TMEM132D: variants seen among roughly 807,000 people sequenced by gnomAD.
TMEM132D encodes mature OL transmembrane protein.
In TMEM132D, 21 loss-of-function variants were observed where a neutral mutation model predicts 62.3. The observed-to-expected ratio is 0.34, with a 90% CI of 0.24 to 0.49. TMEM132D has a LOEUF of 0.49. Ranked by LOEUF, TMEM132D falls within the 20% of genes least tolerant of loss-of-function variation. TMEM132D has a pLI of 0.99. For missense variants in TMEM132D, 1,346 were observed against 1,402.8 expected (o/e 0.96, Z 0.65); for synonymous variants, 621 against 575.6 (o/e 1.08, Z -1.13).
chr12:129,365,764 G>C (rs1870388565), intron 3 of TMEM132D, among the ~76,000 whole-genome samples: 1 of 152,126 alleles, frequency 6.6e-6, no homozygotes, highest in South Asian at 2.1e-4. Flanking sequence ...TCTCTGGAAA[G>C]GGAATGACCT....
intron 2 of TMEM132D, among the ~76,000 whole-genome samples, chr12:129,647,908 C>T (rs1379722766): frequency 6.6e-6 from 1 of 152,152 alleles, no homozygotes; most frequent in Non-Finnish European, 1.5e-5. Context: ...TGCCTTTAAC[C>T]TCCAAGCTGC....
intron 2 of TMEM132D, among the ~76,000 whole-genome samples, chr12:129,598,629 C>T (rs542469435): frequency 3.5e-4 from 53 of 152,164 alleles, no homozygotes; most frequent in Middle Eastern, 6.8e-3. Context: ...CAAAGAAATA[C>T]TACAATCCTA....
At chr12:129,726,129 G>C (rs1217200645) in intron 1 of TMEM132D, among the ~76,000 whole-genome samples, 1 of 152,188 alleles carries the variant, frequency 6.6e-6, no homozygotes, top group Non-Finnish European at 1.5e-5. Context: ...AAGGCCTCCT[G>C]TGTGGCTCCA....
At chr12:129,105,187 T>G (rs1315699909) in intron 5 of TMEM132D, among the ~76,000 whole-genome samples, 21 of 122,018 alleles carry the variant, frequency 1.7e-4, no homozygotes, top group African/African-American at 6.8e-4. Context: ...ATGTGGCACA[T>G]ATACACCATG....
At chr12:129,162,091 T>C (rs1257098642) in intron 5 of TMEM132D, among the ~76,000 whole-genome samples, 1 of 152,170 alleles carries the variant, frequency 6.6e-6, no homozygotes, top group Non-Finnish European at 1.5e-5. Context: ...CAATTCCCTA[T>C]GTTTAAGCTC....
At chr12:129,889,294 G>A (rs1241024932) in intron 1 of TMEM132D, among the ~76,000 whole-genome samples, 1 of 152,102 alleles carries the variant, frequency 6.6e-6, no homozygotes, top group Non-Finnish European at 1.5e-5. Flanking sequence ...AGTCCTCTCT[G>A]CAGTTGGATG....
At chr12:129,748,495 CAG>C (rs1458371412) in intron 1 of TMEM132D, among the ~76,000 whole-genome samples, 1 of 152,040 alleles carries the variant, frequency 6.6e-6, no homozygotes, top group Non-Finnish European at 1.5e-5. Context: ...TAAATATTAA[CAG>C]GGAGAAAGGG....
intron 2 of TMEM132D, among the ~76,000 whole-genome samples, chr12:129,555,010 C>A (rs1877015233): frequency 6.6e-6 from 1 of 152,190 alleles, no homozygotes; most frequent in Non-Finnish European, 1.5e-5. Context: ...AGAACATATT[C>A]TCCCCAGCTA....
At chr12:129,666,162 GC>G (rs1315949971) in intron 2 of TMEM132D, among the ~76,000 whole-genome samples, 2 of 152,100 alleles carry the variant, frequency 1.3e-5, no homozygotes, top group African/African-American at 4.8e-5. Context: ...ATCTGTCTTT[GC>G]CTTCAGCTGC....
intron 5 of TMEM132D, among the ~76,000 whole-genome samples, chr12:129,123,520 C>G (rs544660593): frequency 6.6e-6 from 1 of 152,156 alleles, no homozygotes; most frequent in Non-Finnish European, 1.5e-5. Context: ...GTGGGGTCTC[C>G]AGGGTCCATC....
rs559790369 is a variant in TMEM132D, at chr12:129,500,959, T to C, written c.1115+30100A>G. 9.8e-5 allele frequency among the ~76,000 whole-genome samples: 15 copies of C among 152,288 alleles called. No individual in the cohort carries two copies. The South Asian group carries it at 1.2e-3, about 13-fold the overall frequency. ...GTAAAATGAGCTTCGCTTCAAAACA[T>C]TGTAATTTCAATTATAACAGTCTTT... is the stretch of plus-strand genomic sequence containing the variant. On this transcript the variant is annotated intron_variant, in intron 3 of 8. Transcript: ENST00000422113.
intron 1 of TMEM132D, among the ~76,000 whole-genome samples, chr12:129,743,380 G>A (rs1163340486): frequency 2.0e-5 from 3 of 152,174 alleles, no homozygotes; most frequent in Non-Finnish European, 2.9e-5. Flanking sequence ...TAGTAAGTGA[G>A]TTCACAGGAG....
chr12:129,331,214 C>T (rs1294919959), intron 4 of TMEM132D, among the ~76,000 whole-genome samples: 1 of 152,196 alleles, frequency 6.6e-6, no homozygotes, highest in Non-Finnish European at 1.5e-5. Flanking sequence ...TTGAATTGCA[C>T]TTCCTAAAGA....
chr12:129,413,231 T>C (rs375073268), intron 3 of TMEM132D, among the ~76,000 whole-genome samples: 2 of 152,278 alleles, frequency 1.3e-5, no homozygotes, highest in African/African-American at 4.8e-5. Context: ...AATTGAATCA[T>C]GGAGGCAGTT....
chr12:129,121,998 T>A lies in TMEM132D; in HGVS notation c.1444-37296A>T, dbSNP rs192132565. Among the ~76,000 whole-genome samples, 265 of 152,262 alleles carry A rather than the reference T, an allele frequency of 1.7e-3. 1 individual carries two copies. Among genetic ancestry groups the A allele is most frequent in the African/African-American group, 6.0e-3 (248 of 41,554 alleles). On this transcript the variant is annotated intron_variant, in intron 5 of 8. Transcript: ENST00000422113. The stretch of plus-strand genomic sequence containing the variant: ...GGAGACGAGATGGATGGCAGGCTCA[T>A]GGAAGCCCGCCGATTCTGGCCCTGT...
intron 2 of TMEM132D, among the ~76,000 whole-genome samples, chr12:129,658,281 A>G (rs1344722031): frequency 6.6e-6 from 1 of 152,218 alleles, no homozygotes; most frequent in Non-Finnish European, 1.5e-5. Flanking sequence ...CAAATAACTT[A>G]GATAAAGTAA....
intron 1 of TMEM132D, among the ~76,000 whole-genome samples, chr12:129,770,960 C>T (rs1870730097): frequency 6.6e-6 from 1 of 152,198 alleles, no homozygotes; most frequent in Non-Finnish European, 1.5e-5. Context: ...TAGTTAAATA[C>T]TCGTATCTCA....
chr12:129,734,448 C>G (rs974522945), intron 1 of TMEM132D, among the ~76,000 whole-genome samples: 4 of 152,100 alleles, frequency 2.6e-5, no homozygotes, highest in African/African-American at 9.7e-5. Flanking sequence ...ACTTCTATAG[C>G]AATTATTCTT....
At chr12:129,829,285 C>T (rs938752535) in intron 1 of TMEM132D, among the ~76,000 whole-genome samples, 4 of 152,084 alleles carry the variant, frequency 2.6e-5, no homozygotes, top group Non-Finnish European at 5.9e-5. Context: ...TTCTGAAATA[C>T]GACGGCCACA....
Sources: gnomAD v4.1 joint callset for allele counts (sites outside exome capture counted in the v4.1 genomes callset) on GRCh38, gnomAD v4.1.1 for gene constraint, MANE v1.5 for transcripts, NCBI Gene and HGNC (gene_info 2026-07-23, HGNC 2026-07-21) for gene names.